FUCA2: variants seen among roughly 807,000 people sequenced by gnomAD.
FUCA2 encodes plasma alpha-L-fucosidase.
FUCA2 carries 41 observed loss-of-function variants against 52.6 expected under a neutral mutation model. The observed-to-expected ratio is 0.78, with a 90% CI of 0.61 to 1.01. The LOEUF (loss-of-function observed/expected upper bound fraction) is 1.01. Ranked by LOEUF, FUCA2 falls within the 50% of genes least tolerant of loss-of-function variation. The pLI, the probability that FUCA2 is intolerant of heterozygous loss-of-function variation, is 0.00. For synonymous variants in FUCA2, 211 were observed against 217.3 expected, an observed-to-expected ratio of 0.97 and a Z score of 0.26; for missense variants, 507 against 569.5, an observed-to-expected ratio of 0.89 and a Z score of 1.12.
rs757603545 is a variant in FUCA2 at position 143,509,832 on chromosome 6, C to G, written c.224+1579G>C. On this transcript the variant is annotated intron_variant, in intron 1 of 6. Coordinates refer to ENST00000002165, the MANE Select transcript of FUCA2 (RefSeq NM_032020.5). The surrounding 1 kb of genome is among the most constrained non-coding windows in gnomAD (Gnocchi z 5.4). Reference sequence around the variant, plus strand: ...CAGTTTTATTTTTTACATCAATTGACCTACCAATAAGAAAGGTTACTGGTT... The same window carrying G: ...CAGTTTTATTTTTTACATCAATTGAGCTACCAATAAGAAAGGTTACTGGTT... Among the ~76,000 whole-genome samples, 1 of 152,102 alleles carries G rather than the reference C, an allele frequency of 6.6e-6. No individual in the cohort carries two copies. Among genetic ancestry groups the G allele is most frequent in the African/African-American group, 2.4e-5 (1 of 41,404 alleles).
rs1780547991 is a variant in FUCA2, at chr6:143,502,752, C to T, written c.753-187G>A. ...ATTGGAGTTCTGGCTTTGTCACTTT[C>T]TAGCTCCCAGACCTAGAGCAAATTA... On this transcript the variant is annotated intron_variant, in intron 3 of 6. Coordinates refer to ENST00000002165, the MANE Select transcript of FUCA2 (RefSeq NM_032020.5). This position sits in a 1 kb window ranked among gnomAD's most constrained non-coding sequence, Gnocchi z 4.1. 6.6e-6 allele frequency among the ~76,000 whole-genome samples: 1 copy of T among 152,188 alleles called. No individual in the cohort carries two copies.
rs376952445 is a variant in FUCA2, at chr6:143,503,906, T to C, written c.752+7A>G. 26 of 1,603,922 alleles carry C rather than the reference T, an allele frequency of 1.6e-5. No individual in the cohort carries two copies. In the African/African-American group the frequency reaches 3.2e-4, roughly 20 times the overall value. On this transcript the variant is annotated splice_region_variant and intron_variant, in intron 3 of 6. Coordinates refer to ENST00000002165, the MANE Select transcript of FUCA2 (RefSeq NM_032020.5). The surrounding 1 kb of genome is among the most constrained non-coding windows in gnomAD (Gnocchi z 4.8). Reference sequence around the variant, plus strand: ...GGGTAACTGCAGCAATCTCATAGCATACACACCTTTCATTATATAACCAGG... The same window carrying C: ...GGGTAACTGCAGCAATCTCATAGCACACACACCTTTCATTATATAACCAGG...
chr6:143,503,587 T>G lies in FUCA2; in HGVS notation c.752+326A>C. 5.1e-6 allele frequency: 1 copy of G among 194,718 alleles called. No individual in the cohort carries two copies. The highest frequency in any genetic ancestry group is 1.0e-5 in the Non-Finnish European group (1 of 96,338). 12.1% of individuals were successfully genotyped at this position (194,718 alleles called of 1,614,324 possible). On this transcript the variant is annotated intron_variant, in intron 3 of 6. Coordinates refer to ENST00000002165, the MANE Select transcript of FUCA2 (RefSeq NM_032020.5). The surrounding 1 kb of genome is among the most constrained non-coding windows in gnomAD (Gnocchi z 4.8). ...CAGAAATAGTGATGAAGAAACAGAG[T>G]TGTCCCAGAATAGAGGCCATAAAGG... is the stretch of plus-strand genomic sequence containing the variant.
In FUCA2 at chr6:143,511,505, G is replaced by A; in HGVS notation, c.130C>T (p.Arg44Cys). 1.3e-6 allele frequency: 2 copies of A among 1,598,220 alleles called. No individual in the cohort carries two copies. Among genetic ancestry groups the A allele is most frequent in the Non-Finnish European group, 1.7e-6 (2 of 1,172,666 alleles). ...FDPTWESLDA[R>C]QLPAWFDQAK... is the part of the protein sequence containing the mutation. ...TGGTCAAACCACGCGGGCAGCTGGC[G>A]GGCGTCCAGGGACTCCCAGGTGGGG... Residue 44 changes from arginine to cysteine, a missense_variant, in exon 1 of 7, where the codon CGC becomes TGC. Transcript: ENST00000002165. This position sits in a 1 kb window ranked among gnomAD's most constrained non-coding sequence, Gnocchi z 6.3.
Position 143,497,385 on chromosome 6 carries a change from T to C in FUCA2, c.1263+4A>G, listed in dbSNP as rs774227181. On this transcript the variant is annotated splice_donor_region_variant and intron_variant, in intron 6 of 6. Transcript: ENST00000002165. The surrounding 1 kb of genome is among the most constrained non-coding windows in gnomAD (Gnocchi z 5.3). ...TAAAGGAATAAGGTAAAATTCCCTC[T>C]TACCTCTGTTGCCCCCAGAATAGCT... 1 of 1,587,916 alleles carries C rather than the reference T, an allele frequency of 6.3e-7. No homozygotes were observed. The highest frequency in any genetic ancestry group is 1.1e-5 in the South Asian group (1 of 90,552).
At position 143,507,228 on chromosome 6, in the gene FUCA2, T is replaced by C. The variant is rs79981077; in HGVS notation, c.412+9A>G. ...TTGTCAGCAATTTCCATAGGCTGGA[T>C]TGACTTACCTTCATGATGTTTGGAA... On this transcript the variant is annotated intron_variant, in intron 2 of 6. Coordinates refer to ENST00000002165, the MANE Select transcript of FUCA2 (RefSeq NM_032020.5). The surrounding 1 kb of genome is among the most constrained non-coding windows in gnomAD (Gnocchi z 4.5). 809 of 1,571,368 alleles carry C rather than the reference T, an allele frequency of 5.1e-4. 3 individuals are homozygous for C. The African/African-American group carries it at 7.6e-3, about 15-fold the overall frequency.
In FUCA2 at chr6:143,504,389, C is replaced by T. The variant is rs916773399; in HGVS notation, c.413-137G>A. 1.4e-6 allele frequency: 1 copy of T among 716,238 alleles called. No homozygotes were observed. Among genetic ancestry groups the T allele is most frequent in the Non-Finnish European group, 2.3e-6 (1 of 440,536 alleles). The allele number at this position is 716,238 out of a possible 1,614,324, so 44.4% of individuals were successfully genotyped here. On this transcript the variant is annotated intron_variant, in intron 2 of 6. Coordinates refer to ENST00000002165, the MANE Select transcript of FUCA2 (RefSeq NM_032020.5). The surrounding 1 kb of genome is among the most constrained non-coding windows in gnomAD (Gnocchi z 4.4). Reference sequence around the variant, plus strand: ...GCTCCTACAAATGACTGTTTTATGGCCATTTTTTCATAGCATATATTGTGC... The same window carrying T: ...GCTCCTACAAATGACTGTTTTATGGTCATTTTTTCATAGCATATATTGTGC...
rs988589895 is a variant in FUCA2 at position 143,510,748 on chromosome 6, G to C, written c.224+663C>G. Among the ~76,000 whole-genome samples, 4 of 152,088 alleles carry C rather than the reference G, an allele frequency of 2.6e-5. No individual in the cohort carries two copies. The highest frequency in any genetic ancestry group is 5.9e-5 in the Non-Finnish European group (4 of 68,026). On this transcript the variant is annotated intron_variant, in intron 1 of 6. Transcript: ENST00000002165. This position sits in a 1 kb window ranked among gnomAD's most constrained non-coding sequence, Gnocchi z 4.4. ...TAGCATTTAGTCAGAAAAGACATGT[G>C]CAACAGTTTAAGAAATTACATGCAC...
At position 143,511,257 on chromosome 6, in the gene FUCA2, A is replaced by T. The variant is rs557093449; in HGVS notation, c.224+154T>A. On this transcript the variant is annotated intron_variant, in intron 1 of 6. Coordinates refer to ENST00000002165, the MANE Select transcript of FUCA2 (RefSeq NM_032020.5). This position sits in a 1 kb window ranked among gnomAD's most constrained non-coding sequence, Gnocchi z 6.3. ...TTAGGCAGGAAACCACATATTCGAC[A>T]CCCGGAAGTGCGAAACGCGGGTAAC... 2.0e-5 allele frequency among the ~76,000 whole-genome samples: 3 copies of T among 152,234 alleles called. No individual in the cohort carries two copies. In the South Asian group the frequency reaches 6.2e-4, roughly 32 times the overall value.
chr6:143,503,783 T>G lies in FUCA2; in HGVS notation c.752+130A>C. ...TAGTGATATATCTAATAAGTATTAT[T>G]TACAATGATTTTCTCCCCCCATACC... On this transcript the variant is annotated intron_variant, in intron 3 of 6. Coordinates refer to ENST00000002165, the MANE Select transcript of FUCA2 (RefSeq NM_032020.5). This position sits in a 1 kb window ranked among gnomAD's most constrained non-coding sequence, Gnocchi z 4.8. The G allele has an allele frequency of 4.5e-6, 3 of 671,108 alleles. No homozygotes were observed. The highest frequency in any genetic ancestry group is 7.5e-6 in the Non-Finnish European group (3 of 401,904). The allele number at this position is 671,108 out of a possible 1,614,324, so 41.6% of individuals were successfully genotyped here.
In FUCA2 at chr6:143,495,517, C is replaced by T. The variant is rs550176586; in HGVS notation, c.*190G>A. Reference sequence around the variant, plus strand: ...GTGAAGAGACTTTAATGGCAAAGTGCACTGGAGAGTTAAAATGGTTACATG... The same window carrying T: ...GTGAAGAGACTTTAATGGCAAAGTGTACTGGAGAGTTAAAATGGTTACATG... On this transcript the variant is annotated 3_prime_UTR_variant, in exon 7 of 7. Transcript: ENST00000002165. This position sits in a 1 kb window ranked among gnomAD's most constrained non-coding sequence, Gnocchi z 5.2. 7.8e-6 allele frequency: 4 copies of T among 513,216 alleles called. No homozygotes were observed. Among genetic ancestry groups the T allele is most frequent in the Non-Finnish European group, 1.4e-5 (4 of 294,732 alleles). The allele number at this position is 513,216 out of a possible 1,614,324, so 31.8% of individuals were successfully genotyped here.
Position 143,495,868 on chromosome 6 carries a change from G to T in FUCA2, c.1264-21C>A. ...TTCACCTGAAATTAAAAACATACAT[G>T]CAAATGTCTCCAAATTTATCTCTTT... is the stretch of plus-strand genomic sequence containing the variant. On this transcript the variant is annotated intron_variant, in intron 6 of 6. Coordinates refer to ENST00000002165, the MANE Select transcript of FUCA2 (RefSeq NM_032020.5). The surrounding 1 kb of genome is among the most constrained non-coding windows in gnomAD (Gnocchi z 5.2). 6.2e-7 allele frequency: 1 copy of T among 1,610,576 alleles called. No individual in the cohort carries two copies. The highest frequency in any genetic ancestry group is 1.1e-5 in the South Asian group (1 of 90,926).
Position 143,503,879 on chromosome 6 carries a change from G to T in FUCA2, c.752+34C>A. ...ATGTTAGAAATATATTAGGAATATG[G>T]AGGGTAACTGCAGCAATCTCATAGC... On this transcript the variant is annotated intron_variant, in intron 3 of 6. Coordinates refer to ENST00000002165, the MANE Select transcript of FUCA2 (RefSeq NM_032020.5). The surrounding 1 kb of genome is among the most constrained non-coding windows in gnomAD (Gnocchi z 4.8). The T allele has an allele frequency of 6.8e-7, 1 of 1,464,490 alleles. No homozygotes were observed. Among genetic ancestry groups the T allele is most frequent in the Non-Finnish European group, 9.4e-7 (1 of 1,064,686 alleles). The allele number at this position is 1,464,490 out of a possible 1,614,324, so 90.7% of individuals were successfully genotyped here. A position where few individuals can be genotyped will look rare whatever the true frequency, so the allele number is the denominator to read the frequency against.
rs1159410770 is a variant in FUCA2, at chr6:143,502,106, A to T, written c.980T>A (p.Val327Asp). 6.2e-7 allele frequency: 1 copy of T among 1,607,322 alleles called. No individual in the cohort carries two copies. The highest frequency in any genetic ancestry group is 8.5e-7 in the Non-Finnish European group (1 of 1,177,404). ...CATCAAAAGATTTCCTCCACATGAA[A>T]CTGTCTCTACAAGTTGCTAAAAAAT... ...EELVKQLVET[V>D]SCGGNLLMNI... Residue 327 changes from valine to aspartate, a missense_variant, in exon 5 of 7, where the codon GTT becomes GAT. Coordinates refer to ENST00000002165, the MANE Select transcript of FUCA2 (RefSeq NM_032020.5). The surrounding 1 kb of genome is among the most constrained non-coding windows in gnomAD (Gnocchi z 4.1).
At chr6:143,496,206 G>A (rs1234944226) in intron 6 of FUCA2, 1 of 187,410 alleles carries the variant, frequency 5.3e-6, no homozygotes, top group East Asian at 1.3e-4. Flanking sequence ...TCCTCCCCCA[G>A]ATTTTCTAAT....
rs1371076297 is a variant in FUCA2 at position 143,510,970 on chromosome 6, T to A, written c.224+441A>T. Among the ~76,000 whole-genome samples the A allele has an allele frequency of 2.6e-5, 4 of 152,204 alleles. No individual in the cohort carries two copies. In the East Asian group the frequency reaches 7.7e-4, roughly 29 times the overall value. ...AATGAACAGTCGTTTCACATACTCA[T>A]GACTATGTTTTAACCATAACTTCAT... On this transcript the variant is annotated intron_variant, in intron 1 of 6. Transcript: ENST00000002165. This position sits in a 1 kb window ranked among gnomAD's most constrained non-coding sequence, Gnocchi z 4.4.
At position 143,511,681 on chromosome 6, in the gene FUCA2, G is replaced by A. The variant is rs1232208029; in HGVS notation, c.-47C>T. The A allele has an allele frequency of 7.0e-7, 1 of 1,419,442 alleles. No individual in the cohort carries two copies. Among genetic ancestry groups the A allele is most frequent in the South Asian group, 1.5e-5 (1 of 66,620 alleles). The allele number at this position is 1,419,442 out of a possible 1,614,324, so 87.9% of individuals were successfully genotyped here. A position where few individuals can be genotyped will look rare whatever the true frequency, so the allele number is the denominator to read the frequency against. Reference sequence around the variant, plus strand: ...CCTCTCTGCAGGCTCCCGCGGCCTCGGGAGCGCTGTTCTTCCGTCTCTGCC... The same window carrying A: ...CCTCTCTGCAGGCTCCCGCGGCCTCAGGAGCGCTGTTCTTCCGTCTCTGCC... On this transcript the variant is annotated 5_prime_UTR_variant, in exon 1 of 7. Transcript: ENST00000002165. The surrounding 1 kb of genome is among the most constrained non-coding windows in gnomAD (Gnocchi z 6.3).
At position 143,509,442 on chromosome 6, in the gene FUCA2, G is replaced by C. The variant is rs968911249; in HGVS notation, c.224+1969C>G. Among the ~76,000 whole-genome samples the C allele has an allele frequency of 1.3e-5, 2 of 152,212 alleles. No homozygotes were observed. Among genetic ancestry groups the C allele is most frequent in the African/African-American group, 2.4e-5 (1 of 41,458 alleles). On this transcript the variant is annotated intron_variant, in intron 1 of 6. Transcript: ENST00000002165. This position sits in a 1 kb window ranked among gnomAD's most constrained non-coding sequence, Gnocchi z 5.4. Reference sequence around the variant, plus strand: ...GGTCAAAATAACCATGGGTTTATCTGTAGAAAATGAAGTTATTCATAGCAA... The same window carrying C: ...GGTCAAAATAACCATGGGTTTATCTCTAGAAAATGAAGTTATTCATAGCAA...
intron 1 of FUCA2, among the ~76,000 whole-genome samples, chr6:143,508,894 T>G (rs170344): frequency 6.6e-6 from 1 of 152,110 alleles, no homozygotes; most frequent in Non-Finnish European, 1.5e-5. Flanking sequence ...TTATTATTGA[T>G]TAATTGATTG....
Sources: allele counts gnomAD v4.1 joint callset (sites outside exome capture counted in the v4.1 genomes callset), GRCh38; gene constraint gnomAD v4.1.1; non-coding constraint Gnocchi (gnomAD v3.1); transcripts MANE v1.5; gene names NCBI Gene and HGNC (gene_info 2026-07-23, HGNC 2026-07-21).